GALNT1: variants seen among roughly 807,000 people sequenced by gnomAD.
GALNT1 encodes the protein polypeptide N-acetylgalactosaminyltransferase 1, also known as GalNAc transferase 1.
GALNT1 carries 17 observed loss-of-function variants against 65.7 expected under a neutral mutation model. That is an observed-to-expected ratio of 0.26 (90% CI 0.18 to 0.39). GALNT1 has a LOEUF of 0.39. Ranked by LOEUF, GALNT1 falls within the 10% of genes least tolerant of loss-of-function variation. GALNT1 has a pLI of 1.00. For missense variants in GALNT1, 460 were observed against 672.8 expected (o/e 0.68, Z 3.50); for synonymous variants, 210 against 219.7 (o/e 0.96, Z 0.39).
intron 1 of GALNT1, among the ~76,000 whole-genome samples, chr18:35,631,458 C>T (rs1408058118): frequency 2.6e-5 from 4 of 152,146 alleles, no homozygotes; most frequent in Admixed American, 1.3e-4. Context: ...AGAAAAGCCA[C>T]ATGATTATCT....
At chr18:35,639,442 A>G (rs930409599) in intron 1 of GALNT1, among the ~76,000 whole-genome samples, 2 of 152,226 alleles carry the variant, frequency 1.3e-5, no homozygotes, top group African/African-American at 4.8e-5. Flanking sequence ...ACTGCTGTAT[A>G]GTATCAACAT....
intron 5 of GALNT1, among the ~76,000 whole-genome samples, chr18:35,684,323 T>G (rs1053400589): frequency 1.3e-5 from 2 of 152,184 alleles, no homozygotes; most frequent in Non-Finnish European, 2.9e-5. Context: ...TCTATTCTGT[T>G]TGATAGCAAA....
At chr18:35,639,336 C>T (rs559824735) in intron 1 of GALNT1, among the ~76,000 whole-genome samples, 20 of 152,272 alleles carry the variant, frequency 1.3e-4, no homozygotes, top group East Asian at 9.7e-4. Context: ...AATTACGATT[C>T]GCTGAAGGCA....
At chr18:35,688,361 G>A (rs1030058677) in intron 6 of GALNT1, among the ~76,000 whole-genome samples, 3 of 151,956 alleles carry the variant, frequency 2.0e-5, no homozygotes, top group African/African-American at 7.3e-5. Flanking sequence ...TATAATCTTC[G>A]TGGTATCTTT....
intron 1 of GALNT1, among the ~76,000 whole-genome samples, chr18:35,633,093 G>A (rs1360243399): frequency 6.6e-6 from 1 of 152,182 alleles, no homozygotes; most frequent in Admixed American, 6.5e-5. Flanking sequence ...TACACTGCTG[G>A]TGGGACTGTA....
chr18:35,672,157 GT>G (rs2047646508), intron 3 of GALNT1, among the ~76,000 whole-genome samples: 1 of 152,216 alleles, frequency 6.6e-6, no homozygotes, highest in South Asian at 2.1e-4. Context: ...AATTACAAGG[GT>G]GGTTGTGAGG....
chr18:35,687,392 TA>T (rs1173737688), intron 6 of GALNT1, among the ~76,000 whole-genome samples: 5 of 152,234 alleles, frequency 3.3e-5, no homozygotes, highest in African/African-American at 1.2e-4. Context: ...GCTTATTCTA[TA>T]AATCTAGTGC....
chr18:35,612,503 A>T (rs2046730095), intron 1 of GALNT1, among the ~76,000 whole-genome samples: 1 of 152,184 alleles, frequency 6.6e-6, no homozygotes, highest in Admixed American at 6.5e-5. Flanking sequence ...AGCATCATAA[A>T]TTTTTTAGCA....
chr18:35,700,264 T>C (rs572450512), intron 9 of GALNT1, among the ~76,000 whole-genome samples: 1 of 152,312 alleles, frequency 6.6e-6, no homozygotes, highest in South Asian at 2.1e-4. Context: ...AAGCCACATA[T>C]TTGTTGAGCC....
At chr18:35,651,697 G>A (rs2047313201) in intron 1 of GALNT1, among the ~76,000 whole-genome samples, 1 of 152,172 alleles carries the variant, frequency 6.6e-6, no homozygotes, top group South Asian at 2.1e-4. Context: ...ACACACAAAA[G>A]TTGCTTAGTA....
At chr18:35,653,245 A>G (rs1450122602) in intron 1 of GALNT1, among the ~76,000 whole-genome samples, 1 of 152,198 alleles carries the variant, frequency 6.6e-6, no homozygotes, top group African/African-American at 2.4e-5. Context: ...CAAGAGATCA[A>G]AGCCCCTAGA....
chr18:35,654,853 TACTA>T (rs780652965), intron 2 of GALNT1, 52 bp downstream of exon 2: 6 of 1,373,098 alleles, frequency 4.4e-6, no homozygotes, highest in African/African-American at 3.0e-5. Context: ...CACTGGTTTT[TACTA>T]ACTAATTTGG....
chr18:35,649,656 G>T (rs1336410167), intron 1 of GALNT1, among the ~76,000 whole-genome samples: 1 of 151,592 alleles, frequency 6.6e-6, no homozygotes, highest in Non-Finnish European at 1.5e-5. Flanking sequence ...TTCTATCTAG[G>T]GAATCTTTGC....
chr18:35,647,392 G>T (rs1383390982), intron 1 of GALNT1, among the ~76,000 whole-genome samples: 1 of 152,120 alleles, frequency 6.6e-6, no homozygotes, highest in East Asian at 1.9e-4. Context: ...CCCTGCATTT[G>T]ACACATTCCC....
At chr18:35,673,693 C>A (rs1407328032) in intron 3 of GALNT1, among the ~76,000 whole-genome samples, 1 of 152,144 alleles carries the variant, frequency 6.6e-6, no homozygotes, top group African/African-American at 2.4e-5. Context: ...TTGCCACAGC[C>A]TTGCAAAGTG....
intron 1 of GALNT1, among the ~76,000 whole-genome samples, chr18:35,652,847 A>T (rs2074155722): frequency 6.6e-6 from 1 of 152,258 alleles, no homozygotes; most frequent in Non-Finnish European, 1.5e-5. Flanking sequence ...ATGAAAAGTT[A>T]TACTTACATT....
chr18:35,674,982 C>CAAAAAAA (rs150477892), intron 3 of GALNT1, among the ~76,000 whole-genome samples: 13 of 30,330 alleles, frequency 4.3e-4, no homozygotes, highest in African/African-American at 1.3e-3. Flanking sequence ...GACTCCGTCT[C>CAAAAAAA]AAAAAAAAAA....
At chr18:35,631,114 T>C (rs1040410285) in intron 1 of GALNT1, among the ~76,000 whole-genome samples, 2 of 152,194 alleles carry the variant, frequency 1.3e-5, no homozygotes, top group African/African-American at 4.8e-5. Flanking sequence ...AGCCACATTC[T>C]ACCAGAGGTA....
chr18:35,617,429 C>CTAA (rs2046798891), intron 1 of GALNT1, among the ~76,000 whole-genome samples: 1 of 152,192 alleles, frequency 6.6e-6, no homozygotes, highest in South Asian at 2.1e-4. Flanking sequence ...CTATCTGAAA[C>CTAA]ACGTTTAAAA....
Sources: allele counts gnomAD v4.1 joint callset (sites outside exome capture counted in the v4.1 genomes callset), GRCh38; gene constraint gnomAD v4.1.1; transcripts MANE v1.5; gene names NCBI Gene and HGNC (gene_info 2026-07-23, HGNC 2026-07-21).